The following DAB1 variants were observed in gnomAD, a reference collection of about 807,000 sequenced individuals.
DAB1 encodes the protein disabled homolog 1.
A neutral mutation model predicts 64.6 loss-of-function variants in DAB1; 15 were observed. The ratio of observed to expected loss-of-function variants is 0.23; its 90% CI spans 0.16 to 0.36. The LOEUF (loss-of-function observed/expected upper bound fraction) is 0.36. Ranked by LOEUF, DAB1 falls within the 10% of genes least tolerant of loss-of-function variation. DAB1 has a pLI of 1.00. For missense variants in DAB1, 596 were observed against 706.7 expected, an observed-to-expected ratio of 0.84 and a Z score of 1.78; for synonymous variants, 235 against 251.9, an observed-to-expected ratio of 0.93 and a Z score of 0.64.
At chr1:57,802,904 C>T (rs1182835815) in intron 6 of DAB1, among the ~76,000 whole-genome samples, 2 of 152,126 alleles carry the variant, frequency 1.3e-5, no homozygotes, top group Non-Finnish European at 2.9e-5. Flanking sequence ...TCATGGTTGT[C>T]CTGCATCTGG....
intron 4 of DAB1, among the ~76,000 whole-genome samples, chr1:58,151,013 G>A (rs540906270): frequency 6.6e-6 from 1 of 152,094 alleles, no homozygotes; most frequent in Admixed American, 6.5e-5. Context: ...CCCTACAAAG[G>A]ACATGAACCC....
chr1:58,488,816 A>AT (rs1319693217), intron 3 of DAB1, among the ~76,000 whole-genome samples: 1 of 152,216 alleles, frequency 6.6e-6, no homozygotes, highest in Non-Finnish European at 1.5e-5. Flanking sequence ...AGTCCACTGT[A>AT]TACGTCTTAT....
At chr1:57,501,210 T>A (rs548447382) in intron 7 of DAB1, among the ~76,000 whole-genome samples, 1 of 152,322 alleles carries the variant, frequency 6.6e-6, no homozygotes, top group Admixed American at 6.5e-5. Flanking sequence ...TTTCTCACCT[T>A]TCTTGAAACG....
rs528559592 is a variant in DAB1 at position 57,149,988 on chromosome 1, C to T, written c.68-4559G>A. Among the ~76,000 whole-genome samples the T allele has an allele frequency of 1.4e-4, 22 of 152,270 alleles. No individual in the cohort carries two copies. The South Asian group carries it at 4.4e-3, about 30-fold the overall frequency. On this transcript the variant is annotated intron_variant, in intron 2 of 14. Coordinates refer to ENST00000371236, the MANE Select transcript of DAB1 (RefSeq NM_001365792.1). ...GCCCAAGAGGTAACTAAAGTTACTT[C>T]TCATCCTGTCCTACTCCAAGGCTTG...
In DAB1 at chr1:56,996,973, A is replaced by G. The variant is rs1168076454; in HGVS notation, c.*1171T>C. ...AATGGTAAGGTTTTTTTTTCAAGTT[A>G]TAAAATAAAAATCCCATTTGAATTT... On this transcript the variant is annotated 3_prime_UTR_variant, in exon 15 of 15. Coordinates refer to ENST00000371236, the MANE Select transcript of DAB1 (RefSeq NM_001365792.1). 6.6e-6 allele frequency: 1 copy of G among 151,868 alleles called. No homozygotes were observed. The highest frequency in any genetic ancestry group is 2.4e-5 in the African/African-American group (1 of 41,326). The allele number at this position is 151,868 out of a possible 1,614,324, so 9.4% of individuals were successfully genotyped here.
Position 57,026,004 on chromosome 1 carries a change from G to A in DAB1, c.763C>T (p.Pro255Ser), listed in dbSNP as rs1646774558. 2.5e-6 allele frequency: 4 copies of A among 1,589,008 alleles called. No homozygotes were observed. The highest frequency in any genetic ancestry group is 1.4e-5 in the African/African-American group (1 of 73,284). ...QLELFGDMST[P>S]PDITSPPTPA... ...ACGGGGGGAGAGGTTATATCAGGGG[G>A]TGTGGACATGTCCCCAAAAAGTTCT... is the stretch of plus-strand genomic sequence containing the variant. Residue 255 changes from proline (P) to serine (S), a missense_variant, in exon 10 of 15, where the codon CCC (proline) becomes TCC (serine). Pro to Ser is a moderately conservative substitution (Grantham distance 74). This residue lies in a region of DAB1 where 377 missense variants were observed against 400.4 expected (regional missense o/e 0.94). Coordinates refer to ENST00000371236, the MANE Select transcript of DAB1 (RefSeq NM_001365792.1).
chr1:57,311,725 T>G (rs1340314385), intron 1 of DAB1, among the ~76,000 whole-genome samples: 1 of 152,218 alleles, frequency 6.6e-6, no homozygotes, highest in Non-Finnish European at 1.5e-5. Context: ...TCCTACACAA[T>G]CTATATCCAG....
At chr1:57,983,944 C>T (rs566639076) in intron 5 of DAB1, among the ~76,000 whole-genome samples, 1 of 152,122 alleles carries the variant, frequency 6.6e-6, no homozygotes, top group African/African-American at 2.4e-5. Context: ...GAAGATGCTG[C>T]TCATACCCAA....
chr1:57,479,252 C>T (rs1413619521), intron 7 of DAB1, among the ~76,000 whole-genome samples: 1 of 151,836 alleles, frequency 6.6e-6, no homozygotes, highest in African/African-American at 2.4e-5. Flanking sequence ...TGTTTTTAAG[C>T]ACTCATTCTA....
At chr1:58,179,442 T>A (rs1656660483) in intron 4 of DAB1, among the ~76,000 whole-genome samples, 1 of 152,152 alleles carries the variant, frequency 6.6e-6, no homozygotes, top group South Asian at 2.1e-4. Flanking sequence ...TTGTTAGAAT[T>A]CGCCAGTAAA....
chr1:58,063,469 G>A (rs563388417), intron 5 of DAB1, among the ~76,000 whole-genome samples: 10 of 152,246 alleles, frequency 6.6e-5, no homozygotes, highest in Non-Finnish European at 1.2e-4. Context: ...TGTATAGCCC[G>A]GGCCCCCACA....
intron 2 of DAB1, among the ~76,000 whole-genome samples, chr1:57,221,425 TG>T (rs1444025507): frequency 2.6e-4 from 38 of 148,956 alleles, no homozygotes; most frequent in Admixed American, 1.7e-3. Flanking sequence ...TAACACGGTA[TG>T]ACCATATGTG....
At chr1:57,157,287 GT>G (rs2100868976) in intron 2 of DAB1, among the ~76,000 whole-genome samples, 1 of 152,160 alleles carries the variant, frequency 6.6e-6, no homozygotes, top group Non-Finnish European at 1.5e-5. Flanking sequence ...TCTTGGAGGG[GT>G]CAACTCCAAC....
intron 6 of DAB1, among the ~76,000 whole-genome samples, chr1:57,808,539 C>A (rs1489959749): frequency 6.6e-6 from 1 of 152,004 alleles, no homozygotes; most frequent in Non-Finnish European, 1.5e-5. Context: ...TGTACTGTAA[C>A]CAGAATTTAC....
chr1:57,417,629 C>A (rs982095259), intron 1 of DAB1, among the ~76,000 whole-genome samples: 2 of 152,164 alleles, frequency 1.3e-5, no homozygotes, highest in African/African-American at 4.8e-5. Flanking sequence ...TTACTAAGAA[C>A]AGGATATATA....
chr1:57,560,536 C>G (rs1366830945), intron 7 of DAB1, among the ~76,000 whole-genome samples: 2 of 152,190 alleles, frequency 1.3e-5, no homozygotes, highest in Non-Finnish European at 2.9e-5. Context: ...AGAGGCATAA[C>G]ACCTAGTGGG....
At position 57,206,968 on chromosome 1, in the gene DAB1, C is replaced by CTTTTTTT. The variant is rs201111039; in HGVS notation, c.68-61546_68-61540dup. Among the ~76,000 whole-genome samples the CTTTTTTT allele has an allele frequency of 6.6e-3, 557 of 84,452 alleles. 14 individuals are homozygous for CTTTTTTT. Among genetic ancestry groups the CTTTTTTT allele is most frequent in the Admixed American group, 0.012 (71 of 6,048 alleles). 55.4% of individuals were successfully genotyped at this position (84,452 alleles called of 152,430 possible). On this transcript the variant is annotated intron_variant, in intron 2 of 14. Transcript: ENST00000371236. ...CTCTTTCTCTTTCTTTCCTTCCTTCCTTTTTTTTTTTTTTTTTTTTTTGGA... is the reference window on the plus strand; with the variant it reads ...CTCTTTCTCTTTCTTTCCTTCCTTCCTTTTTTTTTTTTTTTTTTTTTTTTTTTTTGGA...
intron 3 of DAB1, among the ~76,000 whole-genome samples, chr1:58,387,717 CTTTTCTTTTT>C (rs1185674869): frequency 3.9e-5 from 4 of 102,848 alleles, no homozygotes; most frequent in African/African-American, 1.2e-4. Flanking sequence ...TTTTTCTTTT[CTTTTCTTTTT>C]TTTTTTTTTT....
chr1:58,043,080 C>G (rs567882924), intron 5 of DAB1, among the ~76,000 whole-genome samples: 1 of 152,168 alleles, frequency 6.6e-6, no homozygotes, highest in Non-Finnish European at 1.5e-5. Context: ...AATGTCCTGA[C>G]AGTATATTCC....
Sources: gnomAD v4.1 joint callset for allele counts (sites outside exome capture counted in the v4.1 genomes callset) on GRCh38, gnomAD v4.1.1 for gene constraint, gnomAD v4.1.1 regional missense constraint, MANE v1.5 for transcripts, NCBI Gene and HGNC (gene_info 2026-07-23, HGNC 2026-07-21) for gene names.